ARB2A: variants seen among roughly 807,000 people sequenced by gnomAD.
ARB2A encodes ARB2 cotranscriptional regulator A, also known as cotranscriptional regulator ARB2A.
the ARB2A span, among the ~76,000 whole-genome samples, chr5:93,631,104 C>T: frequency 1.1e-4 from 16 of 151,980 alleles, no homozygotes; most frequent in African/African-American, 3.1e-4. Flanking sequence ...AGGCTGGTCT[C>T]GAACTCCTGA....
the ARB2A span, chr5:93,964,601 G>T: frequency 3.3e-6 from 3 of 921,190 alleles, no homozygotes. Flanking sequence ...GTAAATTGTT[G>T]CAAGTTATTG....
At chr5:93,946,499 A>G in the ARB2A span, among the ~76,000 whole-genome samples, 2 of 152,190 alleles carry the variant, frequency 1.3e-5, no homozygotes, top group Non-Finnish European at 2.9e-5. Context: ...ATGAAAAGCA[A>G]TCATATTATC....
the ARB2A span, chr5:93,737,492 T>C: frequency 6.6e-6 from 1 of 152,316 alleles, no homozygotes; most frequent in African/African-American, 2.4e-5. Context: ...TATATATACA[T>C]ATGGCATGTA....
chr5:93,847,689 G>A, the ARB2A span, among the ~76,000 whole-genome samples: 2 of 152,000 alleles, frequency 1.3e-5, no homozygotes, highest in Non-Finnish European at 1.5e-5. Context: ...CACTTTACAG[G>A]TATTACGTAC....
chr5:93,765,723 T>C, the ARB2A span, among the ~76,000 whole-genome samples: 2 of 152,162 alleles, frequency 1.3e-5, no homozygotes, highest in Non-Finnish European at 1.5e-5. Context: ...AGAGCCCACA[T>C]TGCCAAGTCA....
At chr5:93,852,991 A>G in the ARB2A span, among the ~76,000 whole-genome samples, 1 of 152,302 alleles carries the variant, frequency 6.6e-6, no homozygotes, top group East Asian at 1.9e-4. Flanking sequence ...CAATTCTGTG[A>G]AGAAAGTCAT....
At chr5:93,755,469 G>A in the ARB2A span, among the ~76,000 whole-genome samples, 1 of 152,206 alleles carries the variant, frequency 6.6e-6, no homozygotes, top group African/African-American at 2.4e-5. Flanking sequence ...GCTCTAGATT[G>A]ACTGCAAGAA....
chr5:93,682,168 T>G, the ARB2A span, among the ~76,000 whole-genome samples: 1 of 151,964 alleles, frequency 6.6e-6, no homozygotes. Flanking sequence ...ATATTACCTG[T>G]TATAATTAAT....
chr5:94,055,979 C>T, the ARB2A span: 1 of 811,134 alleles, frequency 1.2e-6, no homozygotes, highest in Non-Finnish European at 1.5e-6. Flanking sequence ...TTCATTTGAT[C>T]ATCACAATCC....
At chr5:93,859,370 C>A in the ARB2A span, among the ~76,000 whole-genome samples, 27 of 151,408 alleles carry the variant, frequency 1.8e-4, no homozygotes, top group Non-Finnish European at 3.5e-4. Context: ...AAAGTTAACT[C>A]TAGACAGAAT....
At chr5:93,750,932 G>C in the ARB2A span, among the ~76,000 whole-genome samples, 4 of 152,196 alleles carry the variant, frequency 2.6e-5, no homozygotes, top group South Asian at 8.3e-4. Context: ...AAATTTCCTT[G>C]AAGAGAATTT....
the ARB2A span, among the ~76,000 whole-genome samples, chr5:94,041,488 T>A: frequency 6.6e-6 from 1 of 152,158 alleles, no homozygotes; most frequent in Non-Finnish European, 1.5e-5. Flanking sequence ...GTGTGTGTGA[T>A]GTTTATATAT....
At chr5:94,011,468 G>A in the ARB2A span, among the ~76,000 whole-genome samples, 1 of 151,894 alleles carries the variant, frequency 6.6e-6, no homozygotes, top group Non-Finnish European at 1.5e-5. Flanking sequence ...ATGTGCTCTC[G>A]GTACCTAGAA....
At chr5:94,053,112 G>GATAC in the ARB2A span, 1 of 1,422,816 alleles carries the variant, frequency 7.0e-7, no homozygotes, top group East Asian at 2.4e-5. Context: ...TAGATAGATA[G>GATAC]ATAACCCACT....
chr5:93,773,310 G>A, the ARB2A span, among the ~76,000 whole-genome samples: 1 of 152,186 alleles, frequency 6.6e-6, no homozygotes, highest in African/African-American at 2.4e-5. Context: ...TGGATGTACT[G>A]GATGGGAGCA....
chr5:94,037,527 G>T, the ARB2A span, among the ~76,000 whole-genome samples: 1 of 152,040 alleles, frequency 6.6e-6, no homozygotes, highest in African/African-American at 2.4e-5. Context: ...CATTTGCATA[G>T]CACATTAAAG....
chr5:93,996,002 T>C, the ARB2A span, among the ~76,000 whole-genome samples: 22 of 152,240 alleles, frequency 1.4e-4, no homozygotes, highest in Admixed American at 3.3e-4. Flanking sequence ...CTAAATATTA[T>C]AGAAGCATAG....
At chr5:93,814,020 A>G in the ARB2A span, among the ~76,000 whole-genome samples, 1 of 152,106 alleles carries the variant, frequency 6.6e-6, no homozygotes, top group Non-Finnish European at 1.5e-5. Flanking sequence ...AGTGTTCAAA[A>G]TTTCAGGGCC....
At chr5:93,776,437 T>C in the ARB2A span, among the ~76,000 whole-genome samples, 1 of 152,226 alleles carries the variant, frequency 6.6e-6, no homozygotes, top group Non-Finnish European at 1.5e-5. Flanking sequence ...AAGGTCCTTT[T>C]GTTTGTTCGT....
Sources: allele counts gnomAD v4.1 joint callset (sites outside exome capture counted in the v4.1 genomes callset), GRCh38; gene constraint gnomAD v4.1.1; transcripts MANE v1.5; gene names NCBI Gene and HGNC (gene_info 2026-07-23, HGNC 2026-07-21).